STK32B: variants seen among roughly 807,000 people sequenced by gnomAD.
STK32B encodes serine/threonine-protein kinase 32B.
In STK32B, 43 loss-of-function variants were observed where a neutral mutation model predicts 52.6. The ratio of observed to expected loss-of-function variants is 0.82; its 90% CI spans 0.64 to 1.05. STK32B has a LOEUF of 1.05. Among genes scored for constraint, STK32B ranks in the 50% least tolerant of loss-of-function variants. The pLI, the probability that STK32B is intolerant of heterozygous loss-of-function variation, is 0.00. For synonymous variants in STK32B, 238 were observed against 204.3 expected, an observed-to-expected ratio of 1.17 and a Z score of -1.41; for missense variants, 621 against 534.6, an observed-to-expected ratio of 1.16 and a Z score of -1.59.
intron 2 of STK32B, among the ~76,000 whole-genome samples, chr4:5,146,161 T>C (rs1395295756): frequency 6.6e-6 from 1 of 151,952 alleles, no homozygotes. Context: ...AGGATATATG[T>C]ATATATGAAG....
At chr4:5,282,271 T>C (rs1728248584) in intron 3 of STK32B, among the ~76,000 whole-genome samples, 1 of 152,132 alleles carries the variant, frequency 6.6e-6, no homozygotes, top group Non-Finnish European at 1.5e-5. Flanking sequence ...TGCAGAGGAT[T>C]GATTCCAGGA....
intron 11 of STK32B, among the ~76,000 whole-genome samples, chr4:5,472,958 A>G (rs1351747508): frequency 6.6e-6 from 1 of 152,088 alleles, no homozygotes; most frequent in Non-Finnish European, 1.5e-5. Flanking sequence ...ACTAGATACC[A>G]GTAACACCTT....
chr4:5,355,151 C>T (rs925025710), intron 4 of STK32B, among the ~76,000 whole-genome samples: 3 of 152,182 alleles, frequency 2.0e-5, no homozygotes, highest in Non-Finnish European at 4.4e-5. Context: ...GGAAACGAAT[C>T]CTCTACCCCA....
chr4:5,347,606 T>C (rs1733551545), intron 4 of STK32B, among the ~76,000 whole-genome samples: 1 of 152,174 alleles, frequency 6.6e-6, no homozygotes, highest in Admixed American at 6.5e-5. Context: ...TGGAGAGTGA[T>C]ATGGTTTGGC....
intron 3 of STK32B, among the ~76,000 whole-genome samples, chr4:5,262,322 C>T (rs928892231): frequency 2.6e-5 from 4 of 152,118 alleles, no homozygotes; most frequent in African/African-American, 9.7e-5. Flanking sequence ...GAATTCTACA[C>T]AGCCATTAAA....
intron 3 of STK32B, among the ~76,000 whole-genome samples, chr4:5,268,694 C>T (rs576825557): frequency 2.5e-4 from 38 of 151,992 alleles, no homozygotes; most frequent in African/African-American, 6.3e-4. Flanking sequence ...GTCCTGTTCA[C>T]GATATATTCC....
chr4:5,219,742 C>T (rs920486297), intron 3 of STK32B, among the ~76,000 whole-genome samples: 7 of 152,166 alleles, frequency 4.6e-5, no homozygotes, highest in Non-Finnish European at 8.8e-5. Flanking sequence ...AGGAAGCAAC[C>T]CCAGCTCACT....
intron 3 of STK32B, among the ~76,000 whole-genome samples, chr4:5,220,557 A>C (rs1723466707): frequency 6.6e-6 from 1 of 152,236 alleles, no homozygotes; most frequent in Non-Finnish European, 1.5e-5. Context: ...TGCAGTAACA[A>C]AATTATAAAA....
intron 11 of STK32B, among the ~76,000 whole-genome samples, chr4:5,484,249 T>C (rs1718963520): frequency 6.6e-6 from 1 of 152,230 alleles, no homozygotes; most frequent in Admixed American, 6.5e-5. Context: ...CTCTAAGGAC[T>C]TGCTCTATGA....
At chr4:5,342,019 C>T (rs1733117210) in intron 4 of STK32B, among the ~76,000 whole-genome samples, 1 of 152,042 alleles carries the variant, frequency 6.6e-6, no homozygotes, top group Non-Finnish European at 1.5e-5. Flanking sequence ...TGACAGGCCC[C>T]AGTGTGTGAT....
intron 2 of STK32B, among the ~76,000 whole-genome samples, chr4:5,167,806 C>T (rs1157975900): frequency 2.0e-5 from 3 of 152,132 alleles, no homozygotes; most frequent in African/African-American, 7.2e-5. Flanking sequence ...CAAAGTGGGC[C>T]CTACTGGCAA....
rs796538632 is a variant in STK32B, at chr4:5,400,558, T to C, written c.472+2314T>C. On this transcript the variant is annotated intron_variant, in intron 5 of 11. Transcript: ENST00000282908. This position sits in a 1 kb window ranked among gnomAD's most constrained non-coding sequence, Gnocchi z 6.1. ...GGGACAGAGCGTTGAATATAATATT[T>C]CATACTGTGAGGTGAATGGCTGATA... Among the ~76,000 whole-genome samples the C allele has an allele frequency of 9.9e-5, 15 of 152,274 alleles. No homozygotes were observed. The highest frequency in any genetic ancestry group is 3.4e-4 in the African/African-American group (14 of 41,556).
chr4:5,442,922 G>A (rs28856045), intron 6 of STK32B, among the ~76,000 whole-genome samples: 14,104 of 151,758 alleles, frequency 0.093, 976 homozygotes, highest in East Asian at 0.39. Context: ...TAAGAATGTT[G>A]AATATTGGCC....
At chr4:5,076,644 C>T (rs1372388730) in intron 1 of STK32B, among the ~76,000 whole-genome samples, 2 of 152,140 alleles carry the variant, frequency 1.3e-5, no homozygotes, top group African/African-American at 4.8e-5. Flanking sequence ...CTGCATTTCG[C>T]ATCTTTTCAG....
intron 1 of STK32B, among the ~76,000 whole-genome samples, chr4:5,062,602 A>G (rs966727324): frequency 1.3e-5 from 2 of 152,080 alleles, no homozygotes; most frequent in Non-Finnish European, 2.9e-5. Flanking sequence ...TCCGCCTCCC[A>G]GGTTCACGCC....
At chr4:5,022,107 G>A in the STK32B span, among the ~76,000 whole-genome samples, 5 of 152,122 alleles carry the variant, frequency 3.3e-5, no homozygotes, top group Admixed American at 6.5e-5. Context: ...GTGCATCCGG[G>A]AATTCTATCT....
At chr4:5,428,561 G>C (rs944603700) in intron 6 of STK32B, among the ~76,000 whole-genome samples, 1 of 152,130 alleles carries the variant, frequency 6.6e-6, no homozygotes, top group Non-Finnish European at 1.5e-5. Flanking sequence ...TTTAATTTAT[G>C]GTCTAGATAT....
the STK32B span, among the ~76,000 whole-genome samples, chr4:5,021,265 C>G: frequency 2.0e-5 from 3 of 152,222 alleles, no homozygotes; most frequent in Non-Finnish European, 4.4e-5. Context: ...GTGGTAAAAG[C>G]CCTGGGCAGG....
chr4:5,352,791 A>G (rs1057424670), intron 4 of STK32B, among the ~76,000 whole-genome samples: 5 of 151,962 alleles, frequency 3.3e-5, no homozygotes, highest in African/African-American at 7.2e-5. Context: ...GTTTCGATTC[A>G]TCAATAATTA....
Sources: gnomAD v4.1 joint callset for allele counts (sites outside exome capture counted in the v4.1 genomes callset) on GRCh38, gnomAD v4.1.1 for gene constraint, Gnocchi (gnomAD v3.1) non-coding constraint, MANE v1.5 for transcripts, NCBI Gene and HGNC (gene_info 2026-07-23, HGNC 2026-07-21) for gene names.